KCNQ3: variants seen among roughly 807,000 people sequenced by gnomAD.
KCNQ3 encodes potassium voltage-gated channel subfamily KQT member 3.
In KCNQ3, 30 loss-of-function variants were observed where a neutral mutation model predicts 92.5. The observed-to-expected ratio is 0.32, with a 90% CI of 0.24 to 0.44. KCNQ3 has a LOEUF of 0.44. Ranked by LOEUF, KCNQ3 falls within the 20% of genes least tolerant of loss-of-function variation. The pLI, the probability that KCNQ3 is intolerant of heterozygous loss-of-function variation, is 1.00. For missense variants in KCNQ3, 913 were observed against 1,140.3 expected, an observed-to-expected ratio of 0.80 and a Z score of 2.87; for synonymous variants, 450 against 468.8, an observed-to-expected ratio of 0.96 and a Z score of 0.52.
At chr8:132,372,317 C>T (rs62520383) in intron 1 of KCNQ3, among the ~76,000 whole-genome samples, 1 of 152,186 alleles carries the variant, frequency 6.6e-6, no homozygotes, top group Non-Finnish European at 1.5e-5. Context: ...CTGTCTCTGA[C>T]ACTGTCTTAT....
At chr8:132,426,123 A>G (rs1389534891) in intron 1 of KCNQ3, among the ~76,000 whole-genome samples, 1 of 152,230 alleles carries the variant, frequency 6.6e-6, no homozygotes, top group African/African-American at 2.4e-5. Context: ...TTGGAGTCCA[A>G]CAGCCCTGGG....
At chr8:132,400,247 A>C (rs1440584120) in intron 1 of KCNQ3, among the ~76,000 whole-genome samples, 1 of 152,318 alleles carries the variant, frequency 6.6e-6, no homozygotes, top group African/African-American at 2.4e-5. Flanking sequence ...ACTGAGCTAA[A>C]TATGAGCTCA....
chr8:132,435,241 G>A (rs1373663167), intron 1 of KCNQ3, among the ~76,000 whole-genome samples: 2 of 152,204 alleles, frequency 1.3e-5, no homozygotes, highest in African/African-American at 2.4e-5. Context: ...ATTTATCAGT[G>A]TATTCACATT....
chr8:132,191,171 T>C (rs1268362417), intron 1 of KCNQ3, among the ~76,000 whole-genome samples: 1 of 152,146 alleles, frequency 6.6e-6, no homozygotes, highest in African/African-American at 2.4e-5. Context: ...TAAAGATACA[T>C]GGTCTCATTC....
intron 1 of KCNQ3, among the ~76,000 whole-genome samples, chr8:132,209,179 C>CT (rs1813770373): frequency 6.6e-6 from 1 of 152,144 alleles, no homozygotes; most frequent in African/African-American, 2.4e-5. Flanking sequence ...TCCATCTTCT[C>CT]TGAGGATAAT....
At chr8:132,243,984 C>G (rs1213306294) in intron 1 of KCNQ3, among the ~76,000 whole-genome samples, 1 of 152,060 alleles carries the variant, frequency 6.6e-6, no homozygotes, top group Non-Finnish European at 1.5e-5. Flanking sequence ...CTTCAGATGC[C>G]AGGTGCTCAG....
chr8:132,338,593 G>A (rs1052578900), intron 1 of KCNQ3, among the ~76,000 whole-genome samples: 4 of 152,150 alleles, frequency 2.6e-5, no homozygotes, highest in East Asian at 1.9e-4. Context: ...TGGTTTGACC[G>A]TGGTGTTCAG....
intron 1 of KCNQ3, among the ~76,000 whole-genome samples, chr8:132,290,652 G>A (rs975847767): frequency 1.3e-5 from 2 of 152,106 alleles, no homozygotes; most frequent in Non-Finnish European, 2.9e-5. Flanking sequence ...GGATGTGGAG[G>A]GTGAGAAATA....
chr8:132,195,862 G>T (rs559855984), intron 1 of KCNQ3, among the ~76,000 whole-genome samples: 1 of 152,128 alleles, frequency 6.6e-6, no homozygotes, highest in Non-Finnish European at 1.5e-5. Context: ...AGCTAGGGTG[G>T]CTATAGTAAT....
At chr8:132,251,067 T>C (rs917443201) in intron 1 of KCNQ3, among the ~76,000 whole-genome samples, 1 of 152,094 alleles carries the variant, frequency 6.6e-6, no homozygotes, top group Non-Finnish European at 1.5e-5. Flanking sequence ...AAGTGTTTGA[T>C]ACCAGCCTGG....
chr8:132,460,943 G>A (rs543437821), intron 1 of KCNQ3, among the ~76,000 whole-genome samples: 2 of 152,082 alleles, frequency 1.3e-5, no homozygotes, highest in Non-Finnish European at 2.9e-5. Flanking sequence ...TGTCACTAAA[G>A]TTTTGCTTTC....
At chr8:132,431,111 A>C (rs2130823908) in intron 1 of KCNQ3, among the ~76,000 whole-genome samples, 1 of 152,130 alleles carries the variant, frequency 6.6e-6, no homozygotes, top group East Asian at 1.9e-4. Flanking sequence ...AAGCAGTGCC[A>C]AGCCCAGCTC....
chr8:132,234,378 G>C (rs1212646635), intron 1 of KCNQ3, among the ~76,000 whole-genome samples: 3 of 131,054 alleles, frequency 2.3e-5, no homozygotes, highest in East Asian at 4.5e-4. Context: ...CAGGTGAAAG[G>C]CCAAGCAGTT....
intron 1 of KCNQ3, among the ~76,000 whole-genome samples, chr8:132,186,927 TGTGTGTGA>T (rs1464306798): frequency 3.5e-5 from 3 of 85,118 alleles, no homozygotes; most frequent in African/African-American, 1.5e-4. Context: ...TGTGTGTGTG[TGTGTGTGA>T]GAGAGAGAGA....
At chr8:132,209,542 CAA>C (rs35349516) in intron 1 of KCNQ3, among the ~76,000 whole-genome samples, 8,316 of 125,638 alleles carry the variant, frequency 0.066, 356 homozygotes, top group South Asian at 0.13. Context: ...CACACACACA[CAA>C]ACACACACAC....
At chr8:132,221,022 T>C (rs1340836833) in intron 1 of KCNQ3, among the ~76,000 whole-genome samples, 5 of 152,154 alleles carry the variant, frequency 3.3e-5, no homozygotes, top group African/African-American at 1.2e-4. Flanking sequence ...TGTGTCCAAG[T>C]GTTCTCATTG....
intron 8 of KCNQ3, among the ~76,000 whole-genome samples, chr8:132,166,711 C>T (rs960131428): frequency 4.6e-5 from 7 of 152,180 alleles, no homozygotes; most frequent in African/African-American, 1.7e-4. Context: ...AGACCACCGT[C>T]ATCCATCACT....
At chr8:132,144,822 GC>G (rs1407326804) in intron 9 of KCNQ3, among the ~76,000 whole-genome samples, 3 of 152,124 alleles carry the variant, frequency 2.0e-5, no homozygotes, top group Admixed American at 1.3e-4. Context: ...CCAAGCATCA[GC>G]CCCACATCTG....
chr8:132,437,259 G>A (rs1355859435), intron 1 of KCNQ3, among the ~76,000 whole-genome samples: 1 of 149,132 alleles, frequency 6.7e-6, no homozygotes, highest in East Asian at 2.0e-4. Context: ...CAGCCTGGGC[G>A]ACAGCGAGAC....
Sources: gnomAD v4.1 joint callset for allele counts (sites outside exome capture counted in the v4.1 genomes callset) on GRCh38, gnomAD v4.1.1 for gene constraint, MANE v1.5 for transcripts, NCBI Gene and HGNC (gene_info 2026-07-23, HGNC 2026-07-21) for gene names.